The following FRMD6 variants were observed in gnomAD, a reference collection of about 807,000 sequenced individuals.
FRMD6 encodes FERM domain-containing protein 6.
A neutral mutation model predicts 73.2 loss-of-function variants in FRMD6; 37 were observed. The ratio of observed to expected loss-of-function variants is 0.51; its 90% CI spans 0.39 to 0.66. The LOEUF is 0.66. FRMD6 is among the 30% of genes least tolerant of loss of function. The probability of loss-of-function intolerance (pLI) is 0.00; values close to 1 mark genes in which losing one functional copy is unlikely to be tolerated. For missense variants in FRMD6, 714 were observed against 780.5 expected (o/e 0.91, Z 1.02); for synonymous variants, 273 against 282.2 (o/e 0.97, Z 0.33).
chr14:51,448,987 G>T, the FRMD6 span, among the ~76,000 whole-genome samples: 2 of 152,128 alleles, frequency 1.3e-5, no homozygotes, highest in African/African-American at 2.4e-5. Flanking sequence ...ATGGGACAAG[G>T]GTAGGCAAAC....
chr14:51,536,229 G>C (rs117536810), intron 1 of FRMD6, among the ~76,000 whole-genome samples: 5,472 of 150,794 alleles, frequency 0.036, 128 homozygotes, highest in Admixed American at 0.08. Context: ...GAGTAGCTGG[G>C]ACTACATGCC....
chr14:51,469,896 G>T, the FRMD6 span, among the ~76,000 whole-genome samples: 2 of 152,134 alleles, frequency 1.3e-5, no homozygotes, highest in Admixed American at 1.3e-4. Context: ...TTTGCACCTA[G>T]AGTTTTATTT....
At chr14:51,615,590 GA>G (rs1206682854) in intron 2 of FRMD6, among the ~76,000 whole-genome samples, 2 of 152,150 alleles carry the variant, frequency 1.3e-5, no homozygotes, top group South Asian at 4.1e-4. Flanking sequence ...AAGCTAGGTG[GA>G]AAATTGTTTT....
the FRMD6 span, among the ~76,000 whole-genome samples, chr14:51,443,645 C>T: frequency 1.1e-4 from 17 of 152,282 alleles, no homozygotes; most frequent in African/African-American, 3.4e-4. Context: ...CTTTCCCATG[C>T]GGGGTTTGTG....
intron 1 of FRMD6, among the ~76,000 whole-genome samples, chr14:51,527,510 A>T (rs17124104): frequency 0.091 from 13,840 of 152,268 alleles, 907 homozygotes; most frequent in East Asian, 0.24. Flanking sequence ...AGATAGGCAG[A>T]CCCATAAGGA....
chr14:51,644,614 T>C (rs1891980948), intron 2 of FRMD6, among the ~76,000 whole-genome samples: 1 of 152,224 alleles, frequency 6.6e-6, no homozygotes, highest in Non-Finnish European at 1.5e-5. Flanking sequence ...AAGTGATGTG[T>C]TAATATTTCA....
chr14:51,511,855 C>T (rs71422024), intron 1 of FRMD6, among the ~76,000 whole-genome samples: 4,985 of 150,548 alleles, frequency 0.033, 123 homozygotes, highest in Non-Finnish European at 0.052. Flanking sequence ...TGCACATGTA[C>T]CCCAGAACTT....
chr14:51,553,460 G>A (rs1046801358), intron 1 of FRMD6, among the ~76,000 whole-genome samples: 1 of 152,190 alleles, frequency 6.6e-6, no homozygotes, highest in Non-Finnish European at 1.5e-5. Flanking sequence ...AGGGAAATGG[G>A]TAGTTAGTCA....
chr14:51,690,225 G>T (rs780882498), intron 2 of FRMD6, among the ~76,000 whole-genome samples: 1 of 152,172 alleles, frequency 6.6e-6, no homozygotes, highest in African/African-American at 2.4e-5. Context: ...TTTTATTGAA[G>T]TATATGAATT....
chr14:51,570,363 T>C (rs1259088699), exon 2 of FRMD6: 1 of 152,234 alleles, frequency 6.6e-6, no homozygotes, highest in Admixed American at 6.5e-5. Context: ...ATATCTGTTT[T>C]TTTCTTATGA....
chr14:51,658,899 T>A (rs1893021798), intron 1 of FRMD6, among the ~76,000 whole-genome samples: 1 of 152,248 alleles, frequency 6.6e-6, no homozygotes, highest in Non-Finnish European at 1.5e-5. Flanking sequence ...TAGAGAATTT[T>A]ATAAATATGT....
intron 1 of FRMD6, among the ~76,000 whole-genome samples, chr14:51,549,942 A>T (rs1431951859): frequency 1.3e-5 from 2 of 151,576 alleles, no homozygotes; most frequent in Non-Finnish European, 2.9e-5. Flanking sequence ...TGCAACATTG[A>T]CTCCCCTGCC....
At chr14:51,664,694 C>A (rs1332009360) in intron 1 of FRMD6, among the ~76,000 whole-genome samples, 1 of 152,216 alleles carries the variant, frequency 6.6e-6, no homozygotes, top group Non-Finnish European at 1.5e-5. Context: ...AAGTGGAGCT[C>A]TGGTGATTAT....
intron 1 of FRMD6, among the ~76,000 whole-genome samples, chr14:51,531,459 C>A (rs2140332612): frequency 6.6e-6 from 1 of 152,154 alleles, no homozygotes; most frequent in South Asian, 2.1e-4. Flanking sequence ...ATTATCACAG[C>A]CACAAGGAGA....
chr14:51,695,328 A>AT (rs1391417029), intron 2 of FRMD6, among the ~76,000 whole-genome samples: 2 of 152,204 alleles, frequency 1.3e-5, no homozygotes, highest in African/African-American at 4.8e-5. Context: ...GTAAGGTAGA[A>AT]TTACGATGAT....
At chr14:51,720,428 C>A in intron 11 of FRMD6, 38 bp downstream of exon 11, 1 of 1,592,884 alleles carries the variant, frequency 6.3e-7, no homozygotes, top group South Asian at 1.1e-5. Flanking sequence ...TCTGTTTAGT[C>A]TCCCAGTTTT....
intron 1 of FRMD6, among the ~76,000 whole-genome samples, chr14:51,522,004 G>T (rs183054208): frequency 6.6e-6 from 1 of 151,972 alleles, no homozygotes; most frequent in South Asian, 2.1e-4. Context: ...TGAAAATGTG[G>T]GTATAGAATG....
chr14:51,607,823 G>A (rs888132620), intron 2 of FRMD6, among the ~76,000 whole-genome samples: 1 of 152,252 alleles, frequency 6.6e-6, no homozygotes, highest in Non-Finnish European at 1.5e-5. Context: ...GGTTTCTGCC[G>A]AGTGCCACGC....
chr14:51,653,968 C>A (rs993303963), intron 1 of FRMD6, among the ~76,000 whole-genome samples: 1 of 152,118 alleles, frequency 6.6e-6, no homozygotes, highest in Admixed American at 6.5e-5. Context: ...AACTAATTTT[C>A]CCCCCTTTGA....
Sources: allele counts gnomAD v4.1 joint callset (sites outside exome capture counted in the v4.1 genomes callset), GRCh38; gene constraint gnomAD v4.1.1; transcripts MANE v1.5; gene names NCBI Gene and HGNC (gene_info 2026-07-23, HGNC 2026-07-21).